The following OPTC variants were observed in gnomAD, a reference collection of about 807,000 sequenced individuals.
OPTC encodes the protein opticin.
Under a neutral mutation model 25.4 loss-of-function variants are expected in OPTC, and 22 were observed. That is an observed-to-expected ratio of 0.87 (90% confidence interval 0.62 to 1.24). The LOEUF (loss-of-function observed/expected upper bound fraction) is 1.24, where lower values mean the gene tolerates loss of function less well. Among genes scored for constraint, OPTC ranks in the 50% most tolerant of loss-of-function variants. The pLI, the probability that OPTC is intolerant of heterozygous loss-of-function variation, is 0.00. For missense variants in OPTC, 417 were observed against 425.2 expected, an observed-to-expected ratio of 0.98 and a Z score of 0.17; for synonymous variants, 169 against 179.3, an observed-to-expected ratio of 0.94 and a Z score of 0.46.
chr1:203,495,881 T>A, intron 1 of OPTC, 84 bp from the exon 2 acceptor site: 1 of 711,592 alleles, frequency 1.4e-6, no homozygotes. Flanking sequence ...GGGTGGGAAG[T>A]GGAGTAAATC....
At chr1:203,499,930 CA>C in intron 5 of OPTC, 79 bp downstream of exon 5, 1 of 1,183,054 alleles carries the variant, frequency 8.5e-7, no homozygotes, top group Admixed American at 1.8e-5. Flanking sequence ...CACCTACCTC[CA>C]CCACTCACCT....
At position 203,497,035 on chromosome 1, in the gene OPTC, C is replaced by T. The variant is rs1661292319; in HGVS notation, c.290C>T (p.Ala97Val). 2 of 1,613,992 alleles carry T rather than the reference C, an allele frequency of 1.2e-6. No homozygotes were observed. The highest frequency in any genetic ancestry group is 3.3e-5 in the Admixed American group (2 of 60,004). ...ATCAGTCCCGCCAAGAGCACTACGG[C>T]TCCAGGGACACCCTCGTCAAACCCC... ...TSISPAKSTT[A>V]PGTPSSNPTM... The change falls in exon 3 of 8, where the codon GCT (alanine) becomes GTT (valine). Residue 97 changes from alanine (A) to valine (V), a missense_variant. Ala to Val is a moderately conservative substitution (Grantham distance 64). Coordinates refer to ENST00000367222, the MANE Select transcript of OPTC (RefSeq NM_014359.4).
Position 203,504,848 on chromosome 1 carries a change from C to T in OPTC, c.*25+1103C>T, listed in dbSNP as rs193246893. Among the ~76,000 whole-genome samples the T allele has an allele frequency of 9.2e-5, 14 of 152,286 alleles. No homozygotes were observed. The East Asian group carries it at 2.3e-3, about 25-fold the overall frequency. On this transcript the variant is annotated intron_variant, in intron 7 of 7. Transcript: ENST00000367222. The stretch of plus-strand genomic sequence containing the variant: ...TCCTTCCCATTCGCTCCTACATGTT[C>T]GACCACCAGAGGGCAGCCTTGTGCA...
At chr1:203,501,172 C>G (rs1266215574) in intron 5 of OPTC, among the ~76,000 whole-genome samples, 1 of 152,168 alleles carries the variant, frequency 6.6e-6, no homozygotes, top group African/African-American at 2.4e-5. Context: ...ATGATCTCGG[C>G]TCACTGCAAC....
intron 7 of OPTC, among the ~76,000 whole-genome samples, chr1:203,506,079 C>T (rs1306167323): frequency 6.6e-6 from 1 of 152,030 alleles, no homozygotes; most frequent in Non-Finnish European, 1.5e-5. Flanking sequence ...AAGGCCTAGG[C>T]ATGCAACAGC....
intron 7 of OPTC, among the ~76,000 whole-genome samples, chr1:203,508,162 C>T (rs1232442470): frequency 1.3e-5 from 2 of 152,178 alleles, no homozygotes; most frequent in African/African-American, 4.8e-5. Context: ...CAGTGACAGC[C>T]ATCACTTCTT....
chr1:203,497,087 G>T lies in OPTC; in HGVS notation c.342G>T (p.Gly114=). 1 of 1,614,014 alleles carries T rather than the reference G, an allele frequency of 6.2e-7. No individual in the cohort carries two copies. The highest frequency in any genetic ancestry group is 1.1e-5 in the South Asian group (1 of 91,080). ...NPTMTRPTTA[G]LLLSSQPNHG... ...CGATGACCAGACCTACTACAGCAGG[G>T]CTGCTACTGAGTTCCCAGCCCAACC... is the stretch of plus-strand genomic sequence containing the variant. Residue 114 remains glycine (G), a synonymous_variant, in exon 3 of 8, where the codon GGG becomes GGT. Transcript: ENST00000367222.
At chr1:203,498,888 A>T (rs759979296) in intron 4 of OPTC, 49 bp downstream of exon 4, 2 of 1,564,386 alleles carry the variant, frequency 1.3e-6, no homozygotes, top group Non-Finnish European at 1.7e-6. Flanking sequence ...ATATGCAGCC[A>T]CCCTGCCACT....
At chr1:203,507,255 G>A (rs974367837) in intron 7 of OPTC, among the ~76,000 whole-genome samples, 4 of 152,216 alleles carry the variant, frequency 2.6e-5, no homozygotes, top group African/African-American at 9.7e-5. Flanking sequence ...GCCAGAGTGA[G>A]GCCCTCCTGT....
intron 1 of OPTC, among the ~76,000 whole-genome samples, chr1:203,494,678 T>TA (rs1000878419): frequency 1.3e-5 from 2 of 151,892 alleles, no homozygotes; most frequent in Non-Finnish European, 2.9e-5. Flanking sequence ...AATTAAAAGA[T>TA]AAAAAAAATT....
intron 5 of OPTC, among the ~76,000 whole-genome samples, chr1:203,501,687 C>T (rs2102223145): frequency 6.6e-6 from 1 of 152,292 alleles, no homozygotes; most frequent in African/African-American, 2.4e-5. Context: ...GCCCTGCCCT[C>T]CCCAGTGACT....
In OPTC at chr1:203,498,809, C is replaced by A. The variant is rs149651299; in HGVS notation, c.499C>A (p.Arg167Ser). The stretch of plus-strand genomic sequence containing the variant: ...GTATGCACGCTTCAACCGCATCAGC[C>A]GTATCAGGGCCGAAGACTTCAAAGG... ...YLYARFNRIS[R>S]IRAEDFKGLT... The change falls in exon 4 of 8, where the codon CGT becomes AGT. Residue 167 changes from arginine (R) to serine (S), a missense_variant. Transcript: ENST00000367222. The A allele has an allele frequency of 6.2e-7, 1 of 1,613,918 alleles. No homozygotes were observed. Among genetic ancestry groups the A allele is most frequent in the African/African-American group, 1.3e-5 (1 of 74,930 alleles).
At chr1:203,502,830 AC>A in intron 5 of OPTC, 83 bp from the exon 6 acceptor site, 2 of 1,040,396 alleles carry the variant, frequency 1.9e-6, no homozygotes, top group Non-Finnish European at 3.0e-6. Context: ...AAATGGGGCC[AC>A]CTGTCTCTGG....
intron 5 of OPTC, among the ~76,000 whole-genome samples, chr1:203,500,394 C>G (rs1312916450): frequency 2.2e-5 from 3 of 136,108 alleles, no homozygotes; most frequent in Non-Finnish European, 4.7e-5. Flanking sequence ...GCACCTCCAC[C>G]TCCACCACCA....
chr1:203,497,119 A>C lies in OPTC; in HGVS notation c.370+4A>C, dbSNP rs1661293849. ...CTGAGTTCCCAGCCCAACCATGGTA[A>C]GTGCACAGTCACATGGTCGCAATAT... On this transcript the variant is annotated splice_donor_region_variant and intron_variant, in intron 3 of 7. Transcript: ENST00000367222. 1.9e-6 allele frequency: 3 copies of C among 1,613,998 alleles called. No individual in the cohort carries two copies. The highest frequency in any genetic ancestry group is 2.5e-6 in the Non-Finnish European group (3 of 1,179,986).
At chr1:203,503,807 C>T (rs1661432983) in intron 7 of OPTC, 62 bp downstream of exon 7, 1 of 1,407,400 alleles carries the variant, frequency 7.1e-7, no homozygotes, top group African/African-American at 1.4e-5. Context: ...AATTCCTTAT[C>T]TTTAAACGGT....
chr1:203,501,716 T>C (rs895244556), intron 5 of OPTC, among the ~76,000 whole-genome samples: 1 of 152,202 alleles, frequency 6.6e-6, no homozygotes, highest in Non-Finnish European at 1.5e-5. Context: ...CTCAGCCTTC[T>C]CCTGTCTGCA....
intron 5 of OPTC, among the ~76,000 whole-genome samples, chr1:203,501,292 G>A (rs1261282407): frequency 6.6e-6 from 1 of 152,098 alleles, no homozygotes; most frequent in Admixed American, 6.5e-5. Context: ...GTAGAGATGG[G>A]GTTTCACCAT....
chr1:203,500,419 T>C (rs1281694056), intron 5 of OPTC, among the ~76,000 whole-genome samples: 10 of 106,814 alleles, frequency 9.4e-5, no homozygotes, highest in African/African-American at 3.6e-4. Flanking sequence ...CCGCCTCCAC[T>C]GCCACCACCA....
Sources: gnomAD v4.1 joint callset for allele counts (sites outside exome capture counted in the v4.1 genomes callset) on GRCh38, gnomAD v4.1.1 for gene constraint, MANE v1.5 for transcripts, NCBI Gene and HGNC (gene_info 2026-07-23, HGNC 2026-07-21) for gene names.